Variants in KIAA1549L observed in about 807,000 individuals in gnomAD.
The protein encoded by KIAA1549L is KIAA1549 like.
A neutral mutation model predicts 160.7 loss-of-function variants in KIAA1549L; 88 were observed. The observed-to-expected ratio is 0.55, with a 90% CI of 0.46 to 0.65. The LOEUF is 0.65. Ranked by LOEUF, KIAA1549L falls within the 30% of genes least tolerant of loss-of-function variation. KIAA1549L has a pLI of 0.00. For missense variants in KIAA1549L, 2,258 were observed against 2,437.5 expected, an observed-to-expected ratio of 0.93 and a Z score of 1.55; for synonymous variants, 950 against 976.7, an observed-to-expected ratio of 0.97 and a Z score of 0.51.
chr11:33,563,079 C>G (rs114963965), intron 8 of KIAA1549L, among the ~76,000 whole-genome samples: 1 of 151,566 alleles, frequency 6.6e-6, no homozygotes, highest in Non-Finnish European at 1.5e-5. Context: ...GGGGACAGGC[C>G]GGGTGTGATG....
intron 1 of KIAA1549L, among the ~76,000 whole-genome samples, chr11:33,497,168 C>A (rs1852840592): frequency 6.6e-6 from 1 of 152,096 alleles, no homozygotes; most frequent in Non-Finnish European, 1.5e-5. Context: ...ACTTTTGGGT[C>A]CTATTTAACT....
intron 1 of KIAA1549L, chr11:33,403,274 C>CGCAGACAG (rs1590221266): frequency 1.6e-3 from 63 of 39,578 alleles, no homozygotes; most frequent in East Asian, 4.0e-3. Flanking sequence ...CAGACACACA[C>CGCAGACAG]AGACACAGAC....
At chr11:33,606,620 T>C (rs1850508428) in intron 13 of KIAA1549L, 21 bp from the exon 14 acceptor site, 2 of 1,607,982 alleles carry the variant, frequency 1.2e-6, no homozygotes, top group Non-Finnish European at 1.7e-6. Flanking sequence ...ATAAAATCGA[T>C]GTGTTTATGT....
intron 1 of KIAA1549L, among the ~76,000 whole-genome samples, chr11:33,464,933 T>A (rs1344266562): frequency 6.6e-6 from 1 of 152,026 alleles, no homozygotes; most frequent in East Asian, 1.9e-4. Flanking sequence ...CGTGCAAATG[T>A]AAGGAATCTA....
In KIAA1549L at chr11:33,544,091, C is replaced by T. The variant is rs771985649; in HGVS notation, c.2528C>T (p.Pro843Leu). The change falls in exon 2 of 21, where the codon CCT becomes CTT. Residue 843 changes from proline to leucine, a missense_variant. Pro to Leu is a moderately conservative substitution (Grantham distance 98). This residue lies in a region of KIAA1549L where 287 missense variants were observed against 292.3 expected (regional missense o/e 0.98). Coordinates refer to ENST00000658780, the MANE Select transcript of KIAA1549L (RefSeq NM_012194.3). ...QLQLPNQPAH[P>L]LLLTSPGPTS... The stretch of plus-strand genomic sequence containing the variant: ...CAGTTGCCCAACCAGCCAGCACATC[C>T]TCTTTTGCTAACCTCACCAGGACCA... 1 of 1,614,046 alleles carries T rather than the reference C, an allele frequency of 6.2e-7. No homozygotes were observed. Among genetic ancestry groups the T allele is most frequent in the Admixed American group, 1.7e-5 (1 of 60,028 alleles).
intron 15 of KIAA1549L, among the ~76,000 whole-genome samples, chr11:33,614,563 TATATATATATATATATATA>T (rs1850746961): frequency 5.6e-5 from 1 of 17,968 alleles, no homozygotes; most frequent in African/African-American, 4.2e-4. Flanking sequence ...TATATATATA[TATATATATATATATATATA>T]TATTTTTTTT....
intron 1 of KIAA1549L, among the ~76,000 whole-genome samples, chr11:33,483,057 T>C (rs1349713238): frequency 6.6e-6 from 1 of 152,082 alleles, no homozygotes; most frequent in African/African-American, 2.4e-5. Flanking sequence ...CTTTCATGCA[T>C]CATTTTCTCT....
At chr11:33,535,649 G>GT (rs11423228) in intron 1 of KIAA1549L, among the ~76,000 whole-genome samples, 52,711 of 151,814 alleles carry the variant, frequency 0.35, 9,547 homozygotes, top group Middle Eastern at 0.49. Context: ...TCTAGCCTGG[G>GT]TGGCAGAGTG....
intron 1 of KIAA1549L, among the ~76,000 whole-genome samples, chr11:33,530,325 C>T (rs1399017346): frequency 6.7e-6 from 1 of 149,476 alleles, no homozygotes; most frequent in Non-Finnish European, 1.5e-5. Context: ...TGGCATGAAC[C>T]CAGGAGGTGG....
At chr11:33,474,484 G>A (rs1852244063) in intron 1 of KIAA1549L, among the ~76,000 whole-genome samples, 1 of 152,224 alleles carries the variant, frequency 6.6e-6, no homozygotes, top group South Asian at 2.1e-4. Context: ...TTCTCTCGCT[G>A]TCTTAGAATC....
chr11:33,617,031 C>T (rs1211904673), intron 15 of KIAA1549L, among the ~76,000 whole-genome samples: 1 of 151,402 alleles, frequency 6.6e-6, no homozygotes, highest in African/African-American at 2.4e-5. Flanking sequence ...GACCCAGCTA[C>T]TCAGGAGGGT....
At chr11:33,563,794 T>C (rs1172307513) in intron 8 of KIAA1549L, among the ~76,000 whole-genome samples, 2 of 152,156 alleles carry the variant, frequency 1.3e-5, no homozygotes, top group East Asian at 3.8e-4. Flanking sequence ...TTACAAGGAA[T>C]GGTGTTTTTT....
At chr11:33,520,050 A>G (rs1853442863) in intron 1 of KIAA1549L, among the ~76,000 whole-genome samples, 1 of 151,720 alleles carries the variant, frequency 6.6e-6, no homozygotes, top group Admixed American at 6.6e-5. Context: ...ATACCATGAA[A>G]CCATCAAACC....
intron 19 of KIAA1549L, among the ~76,000 whole-genome samples, chr11:33,659,102 A>T (rs1852176317): frequency 6.6e-6 from 1 of 152,162 alleles, no homozygotes; most frequent in Admixed American, 6.5e-5. Flanking sequence ...ATTGGGCAAA[A>T]TCCCAAGTTA....
chr11:33,651,286 A>G (rs1851876340), intron 17 of KIAA1549L, among the ~76,000 whole-genome samples: 1 of 151,998 alleles, frequency 6.6e-6, no homozygotes, highest in Admixed American at 6.6e-5. Flanking sequence ...AAAATAGAAA[A>G]ATTAGCCAGG....
intron 8 of KIAA1549L, among the ~76,000 whole-genome samples, chr11:33,563,169 C>T (rs1016531457): frequency 1.3e-5 from 2 of 151,366 alleles, no homozygotes; most frequent in African/African-American, 4.9e-5. Context: ...ACCAGCCTAA[C>T]CAACATATCT....
intron 1 of KIAA1549L, among the ~76,000 whole-genome samples, chr11:33,508,719 C>T (rs1853153987): frequency 6.6e-6 from 1 of 152,174 alleles, no homozygotes; most frequent in Admixed American, 6.5e-5. Context: ...GAAGTAGGTA[C>T]ATTTACTGTG....
At chr11:33,594,835 A>C (rs1253154255) in intron 12 of KIAA1549L, among the ~76,000 whole-genome samples, 1 of 152,246 alleles carries the variant, frequency 6.6e-6, no homozygotes, top group Non-Finnish European at 1.5e-5. Context: ...GAGAAGCAAT[A>C]GATGATTTAC....
At chr11:33,616,886 C>T (rs190800460) in intron 15 of KIAA1549L, among the ~76,000 whole-genome samples, 4 of 152,216 alleles carry the variant, frequency 2.6e-5, no homozygotes, top group East Asian at 3.9e-4. Context: ...CACCTGTAAT[C>T]GCAGCACTTT....
Sources: gnomAD v4.1 joint callset for allele counts (sites outside exome capture counted in the v4.1 genomes callset) on GRCh38, gnomAD v4.1.1 for gene constraint, gnomAD v4.1.1 regional missense constraint, MANE v1.5 for transcripts, NCBI Gene and HGNC (gene_info 2026-07-23, HGNC 2026-07-21) for gene names.